GSTP1: variants seen among roughly 807,000 people sequenced by gnomAD.
The protein encoded by GSTP1 is glutathione S-transferase P.
A neutral mutation model predicts 29.4 loss-of-function variants in GSTP1; 28 were observed. That is an observed-to-expected ratio of 0.95 (90% CI 0.71 to 1.30). The LOEUF is 1.30. GSTP1 is among the 50% of genes most tolerant of loss of function. The pLI is 0.00. For synonymous variants in GSTP1, 122 were observed against 117.0 expected (o/e 1.04, Z -0.28); for missense variants, 267 against 266.1 (o/e 1.00, Z -0.02).
In GSTP1 at chr11:67,584,211, GGCT is replaced by G. The variant is rs774111749; in HGVS notation, c.37+45_37+47del. 2.6e-6 allele frequency: 4 copies of G among 1,514,386 alleles called. No homozygotes were observed. The African/African-American group carries it at 5.4e-5, about 21-fold the overall frequency. 93.8% of individuals were successfully genotyped at this position (1,514,386 alleles called of 1,614,324 possible). A position where few individuals can be genotyped will look rare whatever the true frequency, so the allele number is the denominator to read the frequency against. ...GGCAGGGAAGGGAGGCAGGGGCTGG[GGCT>G]GCAGCCCACAGCCCCTCGCCCACCC... On this transcript the variant is annotated intron_variant, in intron 2 of 6. Transcript: ENST00000398606.
At chr11:67,584,358 A>G in intron 2 of GSTP1, 106 bp from the exon 3 acceptor site, 1 of 730,988 alleles carries the variant, frequency 1.4e-6, no homozygotes, top group Non-Finnish European at 2.3e-6. Context: ...AAATCTTCGG[A>G]GGAACCTGTT....
rs2134394308 is a variant in GSTP1, at chr11:67,585,196, G to A, written c.291G>A (p.Val97=). Residue 97 remains valine, a synonymous_variant, in exon 5 of 7, where the codon GTG becomes GTA. Transcript: ENST00000398606. ...TGGTGGACATGGTGAATGACGGCGT[G>A]GAGGACCTCCGCTGCAAATACATCT... The part of the protein sequence containing the change: ...AALVDMVNDG[V]EDLRCKYISL... 1.2e-6 allele frequency: 2 copies of A among 1,613,596 alleles called. No homozygotes were observed. Among genetic ancestry groups the A allele is most frequent in the Non-Finnish European group, 1.7e-6 (2 of 1,179,570 alleles).
In GSTP1 at chr11:67,583,818, G is replaced by A. The variant is rs1565217949; in HGVS notation, c.-26G>A. 2 of 739,440 alleles carry A rather than the reference G, an allele frequency of 2.7e-6. No homozygotes were observed. Among genetic ancestry groups the A allele is most frequent in the South Asian group, 1.4e-5 (1 of 69,586 alleles). The allele number at this position is 739,440 out of a possible 1,614,324, so 45.8% of individuals were successfully genotyped here. ...CGGAGGCCGCGAGGCCTTCGCTGGA[G>A]TTTCGCCGCCGCAGTCTTCGCCACC... On this transcript the variant is annotated 5_prime_UTR_variant, in exon 1 of 7. Coordinates refer to ENST00000398606, the MANE Select transcript of GSTP1 (RefSeq NM_000852.4).
At chr11:67,585,919 G>C (rs905735103) in intron 5 of GSTP1, among the ~76,000 whole-genome samples, 185 bp from the exon 6 acceptor site, 12 of 152,084 alleles carry the variant, frequency 7.9e-5, no homozygotes, top group African/African-American at 2.7e-4. Flanking sequence ...AACCCAGCAA[G>C]GATGGACAGG....
At chr11:67,584,017 C>A in intron 1 of GSTP1, 117 bp from the exon 2 acceptor site, 1 of 812,268 alleles carries the variant, frequency 1.2e-6, no homozygotes, top group Non-Finnish European at 2.1e-6. Flanking sequence ...TTTCAGGGGG[C>A]CCGGAGCGCC....
At chr11:67,584,633 CG>C in intron 3 of GSTP1, 51 bp from the exon 4 acceptor site, 1 of 1,570,854 alleles carries the variant, frequency 6.4e-7, no homozygotes, top group Non-Finnish European at 8.8e-7. Context: ...TGACTAGGAT[CG>C]GGGGACGCCC....
Position 67,586,187 on chromosome 11 carries a change from C to G in GSTP1, c.420C>G (p.Gly140=). Residue 140 remains glycine (G), a synonymous_variant, in exon 6 of 7, where the codon GGC becomes GGG. Transcript: ENST00000398606. ...CCCTGCTGTCCCAGAACCAGGGAGG[C>G]AAGACCTTCATTGTGGGAGACCAGG... ...FETLLSQNQG[G]KTFIVGDQIS... is the part of the protein sequence containing the mutation. 1 of 1,613,372 alleles carries G rather than the reference C, an allele frequency of 6.2e-7. No individual in the cohort carries two copies. Among genetic ancestry groups the G allele is most frequent in the Non-Finnish European group, 8.5e-7 (1 of 1,179,374 alleles).
Position 67,583,835 on chromosome 11 carries a change from T to G in GSTP1, c.-9T>G, listed in dbSNP as rs1036588464. The G allele has an allele frequency of 1.3e-6, 1 of 748,308 alleles. No homozygotes were observed. The highest frequency in any genetic ancestry group is 2.5e-6 in the Non-Finnish European group (1 of 405,996). The allele number at this position is 748,308 out of a possible 1,614,324, so 46.4% of individuals were successfully genotyped here. A position where few individuals can be genotyped will look rare whatever the true frequency, so the allele number is the denominator to read the frequency against. On this transcript the variant is annotated 5_prime_UTR_variant, in exon 1 of 7. Coordinates refer to ENST00000398606, the MANE Select transcript of GSTP1 (RefSeq NM_000852.4). ...TCGCTGGAGTTTCGCCGCCGCAGTC[T>G]TCGCCACCAGTGAGTACGCGCGGCC...
chr11:67,584,226 C>G lies in GSTP1; in HGVS notation c.37+57C>G. Reference sequence around the variant, plus strand: ...CAGGGGCTGGGGCTGCAGCCCACAGCCCCTCGCCCACCCGGAGAGATCCGA... The same window carrying G: ...CAGGGGCTGGGGCTGCAGCCCACAGGCCCTCGCCCACCCGGAGAGATCCGA... On this transcript the variant is annotated intron_variant, in intron 2 of 6. Coordinates refer to ENST00000398606, the MANE Select transcript of GSTP1 (RefSeq NM_000852.4). 6 of 1,363,628 alleles carry G rather than the reference C, an allele frequency of 4.4e-6. No homozygotes were observed. The East Asian group carries it at 9.2e-5, about 21-fold the overall frequency. 84.5% of individuals were successfully genotyped at this position (1,363,628 alleles called of 1,614,324 possible).
At chr11:67,585,274 G>A (rs2134394540) in intron 5 of GSTP1, 33 bp downstream of exon 5, 1 of 1,409,282 alleles carries the variant, frequency 7.1e-7, no homozygotes, top group Non-Finnish European at 1.0e-6. Context: ...GGCACTGGGG[G>A]CTGAACAAAG....
In GSTP1 at chr11:67,586,398, G is replaced by A. The variant is rs762120399; in HGVS notation, c.454G>A (p.Ala152Thr). Residue 152 changes from alanine (A) to threonine (T), a missense_variant, in exon 7 of 7, where the codon GCT (alanine) becomes ACT (threonine). By Grantham distance (58) the Ala-to-Thr change is moderately conservative (BLOSUM62 0). Coordinates refer to ENST00000398606, the MANE Select transcript of GSTP1 (RefSeq NM_000852.4). ...TFIVGDQISFADYNLLDLLLI... is the reference protein window; with the variant it reads ...TFIVGDQISFTDYNLLDLLLI... ...CCCCCCTGCCCTGCAGATCTCCTTC[G>A]CTGACTACAACCTGCTGGACTTGCT... 2.0e-5 allele frequency: 32 copies of A among 1,612,992 alleles called. No individual in the cohort carries two copies. Among genetic ancestry groups the A allele is most frequent in the Admixed American group, 1.3e-4 (8 of 59,776 alleles).
intron 5 of GSTP1, among the ~76,000 whole-genome samples, chr11:67,585,668 C>T (rs1334416604): frequency 4.5e-4 from 68 of 151,882 alleles, no homozygotes; most frequent in African/African-American, 1.6e-3. Flanking sequence ...CGTGTGTGCG[C>T]GTGCGTGTGC....
At chr11:67,584,218 G>A (rs368410690) in intron 2 of GSTP1, 49 bp downstream of exon 2, 41 of 1,433,928 alleles carry the variant, frequency 2.9e-5, no homozygotes, top group Middle Eastern at 1.8e-4. Context: ...TGGGGCTGCA[G>A]CCCACAGCCC....
chr11:67,584,064 G>C (rs551842856), intron 1 of GSTP1, 70 bp from the exon 2 acceptor site: 1 of 1,301,750 alleles, frequency 7.7e-7, no homozygotes, highest in Admixed American at 1.8e-5. Context: ...GGGGAGGGGG[G>C]GCAGACTGCG....
At chr11:67,584,443 C>G (rs1016252137) in intron 2 of GSTP1, 21 bp from the exon 3 acceptor site, 7 of 1,385,772 alleles carry the variant, frequency 5.1e-6, no homozygotes, top group Non-Finnish European at 6.8e-6. Context: ...CCCCACATCT[C>G]GTACTTCTCC....
At chr11:67,584,356 G>A in intron 2 of GSTP1, 108 bp from the exon 3 acceptor site, 2 of 729,962 alleles carry the variant, frequency 2.7e-6, no homozygotes, top group Non-Finnish European at 4.6e-6. Context: ...TGAAATCTTC[G>A]GAGGAACCTG....
At chr11:67,586,054 CAG>C (rs758997956) in intron 5 of GSTP1, 48 bp from the exon 6 acceptor site, 3 of 1,413,588 alleles carry the variant, frequency 2.1e-6, no homozygotes, top group Admixed American at 1.7e-5. Flanking sequence ...GGGGGTGTCT[CAG>C]GGGCTGGGAG....
chr11:67,585,342 T>G, intron 5 of GSTP1, 101 bp downstream of exon 5: 1 of 780,490 alleles, frequency 1.3e-6, no homozygotes, highest in South Asian at 1.7e-5. Context: ...GGCTGACCCC[T>G]TCTTGGGTCA....
In GSTP1 at chr11:67,584,470, G is replaced by T; in HGVS notation, c.44G>T (p.Cys15Phe). The change falls in exon 3 of 7, where the codon TGC (cysteine) becomes TTC (phenylalanine). Residue 15 changes from cysteine to phenylalanine, a missense_variant. Physicochemically the swap from Cys to Phe is radical, Grantham distance 205 (BLOSUM62 -2). Coordinates refer to ENST00000398606, the MANE Select transcript of GSTP1 (RefSeq NM_000852.4). ...TACTTCTCCCTCCCCGCAGGCCGCTGCGCGGCCCTGCGCATGCTGCTGGCA... is the reference window on the plus strand; with the variant it reads ...TACTTCTCCCTCCCCGCAGGCCGCTTCGCGGCCCTGCGCATGCTGCTGGCA... ...TVVYFPVRGR[C>F]AALRMLLADQ... The T allele has an allele frequency of 6.6e-7, 1 of 1,519,660 alleles. No individual in the cohort carries two copies. Among genetic ancestry groups the T allele is most frequent in the Non-Finnish European group, 8.8e-7 (1 of 1,130,800 alleles). The allele number at this position is 1,519,660 out of a possible 1,614,324, so 94.1% of individuals were successfully genotyped here.
Sources: gnomAD v4.1 joint callset for allele counts (sites outside exome capture counted in the v4.1 genomes callset) on GRCh38, gnomAD v4.1.1 for gene constraint, MANE v1.5 for transcripts, NCBI Gene and HGNC (gene_info 2026-07-23, HGNC 2026-07-21) for gene names.